Variants in IPO5 observed in about 807,000 individuals in gnomAD.
IPO5 encodes importin 5, also known as importin-5.
In IPO5, 18 loss-of-function variants were observed where a neutral mutation model predicts 143.3. The ratio of observed to expected loss-of-function variants is 0.13; its 90% CI spans 0.09 to 0.19. IPO5 has a LOEUF of 0.19. Ranked by LOEUF, IPO5 falls within the 10% of genes least tolerant of loss-of-function variation. The probability of loss-of-function intolerance (pLI) is 1.00; values close to 1 mark genes in which losing one functional copy is unlikely to be tolerated. For missense variants in IPO5, 1,013 were observed against 1,336.9 expected (o/e 0.76, Z 3.78); for synonymous variants, 477 against 465.7 (o/e 1.02, Z -0.31).
chr13:97,984,736 G>A (rs898758461), intron 5 of IPO5, among the ~76,000 whole-genome samples: 3 of 152,216 alleles, frequency 2.0e-5, no homozygotes, highest in Non-Finnish European at 2.9e-5. Context: ...TGGGGAAATC[G>A]AGAGCAGGAA....
intron 2 of IPO5, among the ~76,000 whole-genome samples, chr13:97,966,504 A>T (rs1594019980): frequency 6.6e-6 from 1 of 152,064 alleles, no homozygotes; most frequent in Non-Finnish European, 1.5e-5. Context: ...TCCTCTCTAT[A>T]TGTTGTTTAA....
intron 7 of IPO5, 98 bp from the exon 8 acceptor site, chr13:97,990,028 A>C: frequency 1.4e-6 from 1 of 729,802 alleles, no homozygotes; most frequent in Non-Finnish European, 2.4e-6. Context: ...ATGCGTACTG[A>C]GTCAGGTAAA....
intron 3 of IPO5, among the ~76,000 whole-genome samples, chr13:97,974,099 A>C (rs1003234220): frequency 6.6e-6 from 1 of 152,126 alleles, no homozygotes; most frequent in African/African-American, 2.4e-5. Context: ...AATAGTAACA[A>C]ATATCTGCAA....
intron 2 of IPO5, among the ~76,000 whole-genome samples, chr13:97,954,804 CTTTCTT>C (rs1345549748): frequency 1.3e-5 from 2 of 152,136 alleles, no homozygotes; most frequent in Non-Finnish European, 2.9e-5. Context: ...AACAGTTTTG[CTTTCTT>C]CCGTCATTTG....
In IPO5 at chr13:98,021,954, C is replaced by A; in HGVS notation, c.*132C>A. ...TGTAGGCCATTCTTCTGGAGAGCCA[C>A]AAGCAGGAAGAGCAGCGCTGTGTTG... On this transcript the variant is annotated 3_prime_UTR_variant, in exon 29 of 29. Transcript: ENST00000651721. 1 of 501,650 alleles carries A rather than the reference C, an allele frequency of 2.0e-6. No homozygotes were observed. Among genetic ancestry groups the A allele is most frequent in the Non-Finnish European group, 3.5e-6 (1 of 284,600 alleles). 31.1% of individuals were successfully genotyped at this position (501,650 alleles called of 1,614,324 possible).
intron 16 of IPO5, among the ~76,000 whole-genome samples, chr13:98,005,539 C>T (rs755673497): frequency 9.9e-5 from 15 of 151,910 alleles, no homozygotes; most frequent in East Asian, 1.9e-4. Flanking sequence ...GGTGACAGGA[C>T]GGGCCCAGCA....
chr13:97,971,783 T>TA lies in IPO5; in HGVS notation c.-5+1960dup, dbSNP rs938044472. On this transcript the variant is annotated intron_variant, in intron 3 of 28. Transcript: ENST00000651721. ...GGGCAATATAGCAAGACCCCATCTC[T>TA]AAAAAAACAAACAAAAAGAGTAATT... Among the ~76,000 whole-genome samples, 4 of 152,146 alleles carry TA rather than the reference T, an allele frequency of 2.6e-5. No individual in the cohort carries two copies. The South Asian group carries it at 6.2e-4, about 24-fold the overall frequency.
intron 16 of IPO5, among the ~76,000 whole-genome samples, chr13:98,005,350 C>G (rs916171566): frequency 6.7e-6 from 1 of 150,180 alleles, no homozygotes; most frequent in African/African-American, 2.5e-5. Context: ...GGGTGTGCCA[C>G]CACACCTGGC....
intron 2 of IPO5, among the ~76,000 whole-genome samples, chr13:97,955,271 T>C (rs1257077148): frequency 6.6e-6 from 1 of 151,546 alleles, no homozygotes. Context: ...AAATACCTTA[T>C]AAAGTTCATG....
intron 3 of IPO5, among the ~76,000 whole-genome samples, chr13:97,973,118 C>G (rs923382905): frequency 2.8e-5 from 4 of 141,228 alleles, no homozygotes; most frequent in Non-Finnish European, 6.0e-5. Context: ...TACTGGCTCA[C>G]TGCAACCTCC....
intron 18 of IPO5, among the ~76,000 whole-genome samples, chr13:98,009,359 TAGG>T (rs779663646): frequency 6.6e-6 from 1 of 152,168 alleles, no homozygotes; most frequent in African/African-American, 2.4e-5. Context: ...AACACAGTAA[TAGG>T]AGAAGAGGTG....
chr13:97,974,980 G>GATTTTAAA (rs1886145903), intron 3 of IPO5, among the ~76,000 whole-genome samples: 1 of 152,114 alleles, frequency 6.6e-6, no homozygotes, highest in Non-Finnish European at 1.5e-5. Context: ...TAAACACAGT[G>GATTTTAAA]GCCAAGATTT....
At chr13:98,003,136 T>C in intron 16 of IPO5, 99 bp downstream of exon 16, 1 of 896,752 alleles carries the variant, frequency 1.1e-6, no homozygotes, top group South Asian at 1.6e-5. Flanking sequence ...AGCATGACCA[T>C]AAAGAATATA....
rs201219141 is a variant in IPO5, at chr13:97,998,015, GC to G, written c.1001+400del. ...TTTTGAGACGGAGTCTCGCTGTGTC[GC>G]CCAGGCTGGAGTGCAGTGGCGCGAT... On this transcript the variant is annotated intron_variant, in intron 12 of 28. Transcript: ENST00000651721. Among the ~76,000 whole-genome samples, 563 of 152,268 alleles carry G rather than the reference GC, an allele frequency of 3.7e-3. 4 individuals are homozygous for G. Among genetic ancestry groups the G allele is most frequent in the African/African-American group, 0.012 (517 of 41,540 alleles).
chr13:97,967,200 TATTCTA>T (rs1304812394), intron 2 of IPO5, among the ~76,000 whole-genome samples: 1 of 152,218 alleles, frequency 6.6e-6, no homozygotes. Flanking sequence ...TTGGGTACAG[TATTCTA>T]ATTCTTTTTA....
intron 20 of IPO5, 150 bp downstream of exon 20, chr13:98,010,374 G>A (rs1007201587): frequency 3.0e-4 from 226 of 745,374 alleles, no homozygotes; most frequent in Admixed American, 2.2e-4. Context: ...TAAAGAAATC[G>A]TATGGATAAA....
At chr13:97,974,240 G>A (rs2139580072) in intron 3 of IPO5, among the ~76,000 whole-genome samples, 1 of 152,026 alleles carries the variant, frequency 6.6e-6, no homozygotes, top group South Asian at 2.1e-4. Context: ...GCCCTAAGCA[G>A]CCTCTAAGCA....
rs1890136715 is a variant in IPO5 at position 98,016,620 on chromosome 13, A to C, written c.2494-109A>C. 3 of 579,250 alleles carry C rather than the reference A, an allele frequency of 5.2e-6. No homozygotes were observed. The South Asian group carries it at 1.1e-4, about 21-fold the overall frequency. 35.9% of individuals were successfully genotyped at this position (579,250 alleles called of 1,614,324 possible). A position where few individuals can be genotyped will look rare whatever the true frequency, so the allele number is the denominator to read the frequency against. On this transcript the variant is annotated intron_variant, in intron 24 of 28. Coordinates refer to ENST00000651721, the MANE Select transcript of IPO5 (RefSeq NM_002271.6). The stretch of plus-strand genomic sequence containing the variant: ...CTCTTGATTTACCCTTAAAACAGGA[A>C]TGAGAAATTGATTTTCTGCATTTTT...
chr13:98,008,350 C>G (rs994848530), intron 18 of IPO5, among the ~76,000 whole-genome samples: 1 of 152,192 alleles, frequency 6.6e-6, no homozygotes, highest in African/African-American at 2.4e-5. Context: ...GTGACTCTCA[C>G]TCAAGTTTTG....
Sources: allele counts gnomAD v4.1 joint callset (sites outside exome capture counted in the v4.1 genomes callset), GRCh38; gene constraint gnomAD v4.1.1; transcripts MANE v1.5; gene names NCBI Gene and HGNC (gene_info 2026-07-23, HGNC 2026-07-21).